The following TMEM196 variants were observed in gnomAD, a reference collection of about 807,000 sequenced individuals.
TMEM196 encodes transmembrane protein 196.
TMEM196 carries 17 observed loss-of-function variants against 20.0 expected under a neutral mutation model. The observed-to-expected ratio is 0.85, with a 90% CI of 0.58 to 1.27. The LOEUF (loss-of-function observed/expected upper bound fraction) is 1.27. TMEM196 is among the 50% of genes most tolerant of loss of function. The probability of loss-of-function intolerance (pLI) is 0.00; values close to 1 mark genes in which losing one functional copy is unlikely to be tolerated. For missense variants in TMEM196, 267 were observed against 223.0 expected (o/e 1.20, Z -1.26); for synonymous variants, 113 against 88.9 (o/e 1.27, Z -1.52).
intron 1 of TMEM196, among the ~76,000 whole-genome samples, chr7:19,767,180 A>G (rs1562630906): frequency 6.6e-6 from 1 of 152,118 alleles, no homozygotes; most frequent in Non-Finnish European, 1.5e-5. Context: ...AGACTAAGAA[A>G]TTCATGAAAT....
intron 1 of TMEM196, among the ~76,000 whole-genome samples, chr7:19,767,309 A>T (rs974607325): frequency 1.3e-5 from 2 of 152,068 alleles, no homozygotes; most frequent in African/African-American, 4.8e-5. Flanking sequence ...AATAATAACT[A>T]TATTTCCCAG....
chr7:19,771,007 A>C (rs1049106992), intron 1 of TMEM196, among the ~76,000 whole-genome samples: 6 of 152,082 alleles, frequency 3.9e-5, no homozygotes, highest in Non-Finnish European at 7.4e-5. Context: ...AAGATATCAT[A>C]AGATCACCTT....
At chr7:19,732,727 A>G (rs1784258065) in intron 1 of TMEM196, among the ~76,000 whole-genome samples, 1 of 152,128 alleles carries the variant, frequency 6.6e-6, no homozygotes, top group Non-Finnish European at 1.5e-5. Flanking sequence ...ACCATTGTTA[A>G]TTTATGATAT....
chr7:19,757,547 T>A (rs1055448105), intron 1 of TMEM196, among the ~76,000 whole-genome samples: 3 of 151,846 alleles, frequency 2.0e-5, no homozygotes, highest in Non-Finnish European at 4.4e-5. Context: ...AGTCAATGCT[T>A]TCATCTTAGT....
At chr7:19,723,960 G>C (rs1783898661) in intron 4 of TMEM196, among the ~76,000 whole-genome samples, 1 of 151,452 alleles carries the variant, frequency 6.6e-6, no homozygotes, top group African/African-American at 2.4e-5. Flanking sequence ...CAAAACTCTG[G>C]CCCATGAATG....
chr7:19,759,656 GCA>G (rs146563241), intron 1 of TMEM196, among the ~76,000 whole-genome samples: 6 of 150,998 alleles, frequency 4.0e-5, no homozygotes, highest in African/African-American at 9.7e-5. Context: ...ACACACGCAG[GCA>G]CACACACACA....
intron 1 of TMEM196, among the ~76,000 whole-genome samples, chr7:19,752,975 TG>T (rs1188335140): frequency 6.6e-6 from 1 of 152,170 alleles, no homozygotes; most frequent in Non-Finnish European, 1.5e-5. Context: ...AGGGCCCAAA[TG>T]GATGGTTCCA....
chr7:19,729,320 C>G, intron 2 of TMEM196, 62 bp downstream of exon 2: 2 of 1,378,690 alleles, frequency 1.5e-6, no homozygotes, highest in Non-Finnish European at 9.7e-7. Context: ...GCCATCATTT[C>G]TATTTTAGAA....
Position 19,750,893 on chromosome 7 carries a change from A to C in TMEM196, c.148-21455T>G, listed in dbSNP as rs912915539. Among the ~76,000 whole-genome samples the C allele has an allele frequency of 3.9e-4, 59 of 152,298 alleles. 1 individual carries two copies. Among genetic ancestry groups the C allele is most frequent in the African/African-American group, 1.4e-3 (59 of 41,566 alleles). ...TAATTCCCCAACGCTATTTCCTTGA[A>C]AAGTGTTTTGTTTCCAAAGGTATCT... On this transcript the variant is annotated intron_variant, in intron 1 of 4. Transcript: ENST00000405844.
chr7:19,753,460 T>C (rs1028979275), intron 1 of TMEM196, among the ~76,000 whole-genome samples: 3 of 152,178 alleles, frequency 2.0e-5, no homozygotes, highest in African/African-American at 7.2e-5. Flanking sequence ...TCCGACTTAA[T>C]TGCCAATCTT....
At chr7:19,771,809 C>G (rs1785892636) in intron 1 of TMEM196, among the ~76,000 whole-genome samples, 1 of 152,132 alleles carries the variant, frequency 6.6e-6, no homozygotes, top group African/African-American at 2.4e-5. Flanking sequence ...CTAGAGATAA[C>G]TATGACAGTT....
At chr7:19,772,128 A>G (rs1160015373) in intron 1 of TMEM196, among the ~76,000 whole-genome samples, 3 of 152,122 alleles carry the variant, frequency 2.0e-5, no homozygotes, top group Non-Finnish European at 4.4e-5. Flanking sequence ...CTGATACAAA[A>G]AAATGATGGA....
intron 1 of TMEM196, among the ~76,000 whole-genome samples, chr7:19,731,828 G>C (rs1284301179): frequency 1.3e-5 from 2 of 152,272 alleles, no homozygotes; most frequent in East Asian, 3.9e-4. Flanking sequence ...AGTAGGGGAG[G>C]AATCAATCAA....
At chr7:19,755,997 C>G (rs1785193850) in intron 1 of TMEM196, among the ~76,000 whole-genome samples, 1 of 151,332 alleles carries the variant, frequency 6.6e-6, no homozygotes, top group Non-Finnish European at 1.5e-5. Context: ...CCACTGTACT[C>G]CAGCCTCCAG....
chr7:19,736,458 CTG>C (rs1784412559), intron 1 of TMEM196, among the ~76,000 whole-genome samples: 1 of 138,916 alleles, frequency 7.2e-6, no homozygotes, highest in Non-Finnish European at 1.6e-5. Flanking sequence ...CCTGAAAGCA[CTG>C]TTTTTCAAAT....
chr7:19,750,866 T>C (rs10251774), intron 1 of TMEM196, among the ~76,000 whole-genome samples: 21,117 of 152,178 alleles, frequency 0.14, 1,807 homozygotes, highest in East Asian at 0.42. Flanking sequence ...TTTTAAAGGT[T>C]GTAATTCCCC....
intron 1 of TMEM196, among the ~76,000 whole-genome samples, chr7:19,733,217 T>A (rs1784276036): frequency 6.6e-6 from 1 of 152,222 alleles, no homozygotes; most frequent in East Asian, 1.9e-4. Flanking sequence ...CGAAATGACA[T>A]GATTATGAAG....
intron 1 of TMEM196, among the ~76,000 whole-genome samples, chr7:19,736,262 TC>T (rs1217252264): frequency 1.3e-5 from 2 of 150,648 alleles, no homozygotes; most frequent in East Asian, 3.9e-4. Flanking sequence ...ATTGTGTTTT[TC>T]TTACATCATA....
At chr7:19,762,894 G>A (rs1036365946) in intron 1 of TMEM196, among the ~76,000 whole-genome samples, 8 of 152,124 alleles carry the variant, frequency 5.3e-5, no homozygotes, top group African/African-American at 1.9e-4. Context: ...CATGCATAGC[G>A]GTTTCCGAAA....
Sources: allele counts gnomAD v4.1 joint callset (sites outside exome capture counted in the v4.1 genomes callset), GRCh38; gene constraint gnomAD v4.1.1; transcripts MANE v1.5; gene names NCBI Gene and HGNC (gene_info 2026-07-23, HGNC 2026-07-21).